Variants in SH2D4B observed in about 807,000 individuals in gnomAD.
SH2D4B encodes the protein SH2 domain containing 4B.
In SH2D4B, 45 loss-of-function variants were observed where a neutral mutation model predicts 61.5. The ratio of observed to expected loss-of-function variants is 0.73; its 90% CI spans 0.58 to 0.94. SH2D4B has a LOEUF of 0.94. Among genes scored for constraint, SH2D4B ranks in the 40% least tolerant of loss-of-function variants. The pLI is 0.00. For missense variants in SH2D4B, 572 were observed against 574.2 expected, an observed-to-expected ratio of 1.00 and a Z score of 0.04; for synonymous variants, 224 against 220.4, an observed-to-expected ratio of 1.02 and a Z score of -0.14.
intron 4 of SH2D4B, among the ~76,000 whole-genome samples, chr10:80,599,383 C>T (rs1488021907): frequency 6.6e-6 from 1 of 152,168 alleles, no homozygotes; most frequent in African/African-American, 2.4e-5. Flanking sequence ...ACTCTAGGTG[C>T]CACATATTTT....
At chr10:80,618,755 G>A (rs1461646332) in intron 6 of SH2D4B, among the ~76,000 whole-genome samples, 1 of 152,182 alleles carries the variant, frequency 6.6e-6, no homozygotes, top group East Asian at 1.9e-4. Context: ...AAAGTGAAAC[G>A]TCGTGGCTGG....
At position 80,570,220 on chromosome 10, in the gene SH2D4B, G is replaced by A. The variant is rs957144361; in HGVS notation, c.251G>A (p.Gly84Glu). ...ADGEVWVWIMGEGPGDKPYEE... is the reference protein window; with the variant it reads ...ADGEVWVWIMEEGPGDKPYEE... Reference sequence around the variant, plus strand: ...GGCGAGGTCTGGGTCTGGATCATGGGAGAAGGCCCTGGTGACAAGCCCTAC... The same window carrying A: ...GGCGAGGTCTGGGTCTGGATCATGGAAGAAGGCCCTGGTGACAAGCCCTAC... Residue 84 changes from glycine (G) to glutamate (E), a missense_variant, in exon 2 of 8, where the codon GGA becomes GAA. Transcript: ENST00000646907. The A allele has an allele frequency of 4.3e-6, 7 of 1,614,188 alleles. No individual in the cohort carries two copies. The highest frequency in any genetic ancestry group is 3.3e-4 in the Middle Eastern group (2 of 6,062).
intron 6 of SH2D4B, among the ~76,000 whole-genome samples, chr10:80,627,664 C>T (rs1842779659): frequency 6.6e-6 from 1 of 150,564 alleles, no homozygotes. Context: ...CATCAATCTT[C>T]ATTTCTGTCC....
intron 6 of SH2D4B, among the ~76,000 whole-genome samples, chr10:80,617,555 G>A (rs1257708504): frequency 6.6e-6 from 1 of 152,060 alleles, no homozygotes; most frequent in Non-Finnish European, 1.5e-5. Flanking sequence ...CTAAGTACAG[G>A]GTGTGTGGTG....
intron 7 of SH2D4B, among the ~76,000 whole-genome samples, chr10:80,634,946 T>C (rs1056572726): frequency 6.6e-6 from 1 of 152,218 alleles, no homozygotes. Flanking sequence ...GAGAAGCTTT[T>C]CTAGTGGTGG....
intron 6 of SH2D4B, among the ~76,000 whole-genome samples, chr10:80,615,600 G>A (rs1428884162): frequency 6.6e-6 from 1 of 152,248 alleles, no homozygotes; most frequent in Non-Finnish European, 1.5e-5. Context: ...ATCTGGGGAT[G>A]CCCTGTTTGG....
chr10:80,550,411 G>A (rs1251185444), intron 1 of SH2D4B, among the ~76,000 whole-genome samples: 2 of 152,122 alleles, frequency 1.3e-5, no homozygotes, highest in African/African-American at 4.8e-5. Flanking sequence ...GGCTAACATG[G>A]TGAAACCCCA....
At chr10:80,586,517 A>T (rs1842250928) in intron 3 of SH2D4B, among the ~76,000 whole-genome samples, 1 of 152,066 alleles carries the variant, frequency 6.6e-6, no homozygotes. Flanking sequence ...GGGCTTGGAG[A>T]ACCTTTGTGT....
intron 3 of SH2D4B, among the ~76,000 whole-genome samples, chr10:80,581,638 C>G (rs1460539598): frequency 6.6e-6 from 1 of 152,188 alleles, no homozygotes; most frequent in African/African-American, 2.4e-5. Context: ...CAGCACGAAG[C>G]CAACCCTGCC....
intron 4 of SH2D4B, among the ~76,000 whole-genome samples, chr10:80,598,594 G>T (rs1384014467): frequency 6.6e-6 from 1 of 152,102 alleles, no homozygotes; most frequent in Non-Finnish European, 1.5e-5. Context: ...TAATCTATGG[G>T]GGAGCAGCAG....
intron 6 of SH2D4B, among the ~76,000 whole-genome samples, chr10:80,623,194 C>T (rs145516232): frequency 2.6e-5 from 4 of 152,232 alleles, no homozygotes; most frequent in Admixed American, 1.3e-4. Context: ...GGATTACAGG[C>T]GTGAGCCGCC....
Position 80,539,782 on chromosome 10 carries a change from T to C in SH2D4B, c.184+1267T>C, listed in dbSNP as rs1258477477. The stretch of plus-strand genomic sequence containing the variant: ...CTTCCTCCACTCTATCTTCCTCCCC[T>C]GGGCCCAGCACAGAGGTGGCACATG... On this transcript the variant is annotated intron_variant, in intron 1 of 7. Coordinates refer to ENST00000646907, the MANE Select transcript of SH2D4B (RefSeq NM_001388272.1). The surrounding 1 kb of genome is among the most constrained non-coding windows in gnomAD (Gnocchi z 4.9). Among the ~76,000 whole-genome samples the C allele has an allele frequency of 6.6e-6, 1 of 152,154 alleles. No homozygotes were observed. The highest frequency in any genetic ancestry group is 1.9e-4 in the East Asian group (1 of 5,200).
At chr10:80,629,036 A>AAAAAAAAAG (rs142895629) in intron 6 of SH2D4B, among the ~76,000 whole-genome samples, 1 of 144,878 alleles carries the variant, frequency 6.9e-6, no homozygotes, top group Non-Finnish European at 1.5e-5. Context: ...TCTCAAAAAA[A>AAAAAAAAAG]AAAAAGAAAA....
intron 3 of SH2D4B, among the ~76,000 whole-genome samples, chr10:80,586,220 G>A (rs7082099): frequency 0.12 from 17,667 of 152,148 alleles, 1,175 homozygotes; most frequent in East Asian, 0.25. Context: ...GCTCCATGCC[G>A]TCCAGTCCCA....
At chr10:80,617,451 T>G (rs886303274) in intron 6 of SH2D4B, among the ~76,000 whole-genome samples, 1 of 152,192 alleles carries the variant, frequency 6.6e-6, no homozygotes. Flanking sequence ...GATTGTTGAG[T>G]TACCTAGACA....
In SH2D4B at chr10:80,570,296, G is replaced by C; in HGVS notation, c.327G>C (p.Gln109His). The C allele has an allele frequency of 6.2e-7, 1 of 1,613,190 alleles. No individual in the cohort carries two copies. Among genetic ancestry groups the C allele is most frequent in the East Asian group, 2.2e-5 (1 of 44,868 alleles). The change falls in exon 2 of 8, where the codon CAG becomes CAC. Residue 109 changes from glutamine (Q) to histidine (H), a missense_variant. Physicochemically the swap from Gln to His is conservative, Grantham distance 24 (BLOSUM62 0). Transcript: ENST00000646907. ...LIAERARLQAQREAEELWRQK... is the reference protein window; with the variant it reads ...LIAERARLQAHREAEELWRQK... ...CAGAGAGGGCGCGGCTGCAGGCACA[G>C]AGGGAAGCTGAGGAGCTCTGGTGAG... is the stretch of plus-strand genomic sequence containing the variant.
chr10:80,542,109 G>C (rs1017181971), intron 1 of SH2D4B, among the ~76,000 whole-genome samples: 2 of 152,150 alleles, frequency 1.3e-5, no homozygotes, highest in Non-Finnish European at 2.9e-5. Context: ...TTGAGACTCA[G>C]AGAAGGCATG....
chr10:80,587,674 G>A (rs1270721116), intron 3 of SH2D4B, among the ~76,000 whole-genome samples: 4 of 152,062 alleles, frequency 2.6e-5, no homozygotes, highest in African/African-American at 9.7e-5. Context: ...TAAGGGTTAC[G>A]ATTGAACCCA....
At chr10:80,553,111 T>A (rs889942917) in intron 1 of SH2D4B, among the ~76,000 whole-genome samples, 4 of 152,098 alleles carry the variant, frequency 2.6e-5, no homozygotes, top group Non-Finnish European at 5.9e-5. Flanking sequence ...AGAGATGGGG[T>A]TTCACCATGT....
Sources: gnomAD v4.1 joint callset for allele counts (sites outside exome capture counted in the v4.1 genomes callset) on GRCh38, gnomAD v4.1.1 for gene constraint, Gnocchi (gnomAD v3.1) non-coding constraint, MANE v1.5 for transcripts, NCBI Gene and HGNC (gene_info 2026-07-23, HGNC 2026-07-21) for gene names.